The following DPY30 variants were observed in gnomAD, a reference collection of about 807,000 sequenced individuals.
DPY30 encodes protein dpy-30 homolog.
DPY30 carries 6 observed loss-of-function variants against 16.2 expected under a neutral mutation model. The ratio of observed to expected loss-of-function variants is 0.37; its 90% CI spans 0.20 to 0.73. DPY30 has a LOEUF of 0.73. DPY30 is among the 30% of genes least tolerant of loss of function. The pLI, the probability that DPY30 is intolerant of heterozygous loss-of-function variation, is 0.51. For synonymous variants in DPY30, 39 were observed against 38.8 expected, an observed-to-expected ratio of 1.00 and a Z score of -0.02; for missense variants, 73 against 113.1, an observed-to-expected ratio of 0.65 and a Z score of 1.61.
chr2:32,039,262 G>C lies in DPY30; in HGVS notation c.84+17C>G, dbSNP rs1464016828. 3.8e-5 allele frequency: 61 copies of C among 1,614,164 alleles called. No individual in the cohort carries two copies. The highest frequency in any genetic ancestry group is 5.1e-5 in the Non-Finnish European group (60 of 1,180,034). On this transcript the variant is annotated intron_variant, in intron 3 of 4. Coordinates refer to ENST00000342166, the MANE Select transcript of DPY30 (RefSeq NM_001321209.2). ...CAAGAGACAACACAGATGAGGCATA[G>C]GAACTTGGCGAGTTACCTCAACGTT...
chr2:32,029,005 C>T (rs978467341), intron 4 of DPY30, among the ~76,000 whole-genome samples: 2 of 152,146 alleles, frequency 1.3e-5, no homozygotes, highest in South Asian at 2.1e-4. Context: ...GGCGCAGTGG[C>T]TCATGCCTGT....
At chr2:32,019,909 C>T (rs1675142727), downstream of DPY30, among the ~76,000 whole-genome samples, 1 of 136,772 alleles carries the variant, frequency 7.3e-6, no homozygotes, top group South Asian at 2.2e-4. Flanking sequence ...TATATATAAA[C>T]ATAAACATAT....
chr2:32,029,633 G>A lies in DPY30; in HGVS notation c.188C>T (p.Pro63Leu). The A allele has an allele frequency of 6.2e-7, 1 of 1,613,658 alleles. No homozygotes were observed. The highest frequency in any genetic ancestry group is 1.1e-5 in the South Asian group (1 of 91,054). Residue 63 changes from proline to leucine, a missense_variant, in exon 4 of 5, where the codon CCT becomes CTT. Physicochemically the swap from Pro to Leu is moderately conservative, Grantham distance 98. Coordinates refer to ENST00000342166, the MANE Select transcript of DPY30 (RefSeq NM_001321209.2). ...TRAYLDQTVV[P>L]ILLQGLAVLA... Reference sequence around the variant, plus strand: ...CACAGCAAGTCCCTGTAATAAGATAGGCACAACTGTCTGATCCAGGTAGGC... The same window carrying A: ...CACAGCAAGTCCCTGTAATAAGATAAGCACAACTGTCTGATCCAGGTAGGC...
chr2:32,032,077 G>C (rs2148664852), intron 3 of DPY30, among the ~76,000 whole-genome samples: 1 of 151,860 alleles, frequency 6.6e-6, no homozygotes, highest in South Asian at 2.1e-4. Flanking sequence ...TTTTATTTTG[G>C]TAAAAGTGAG....
chr2:32,039,772 G>A lies in DPY30; in HGVS notation c.-76C>T, dbSNP rs2148675367. On this transcript the variant is annotated 5_prime_UTR_variant, in exon 1 of 5. Coordinates refer to ENST00000342166, the MANE Select transcript of DPY30 (RefSeq NM_001321209.2). ...TTCGTTCTTAAGAGCCCTGCACCGC[G>A]CCACCAGCTCCCAGCACAAACAGCT... 3 of 437,100 alleles carry A rather than the reference G, an allele frequency of 6.9e-6. No individual in the cohort carries two copies. Among genetic ancestry groups the A allele is most frequent in the East Asian group, 7.6e-5 (2 of 26,246 alleles). 27.1% of individuals were successfully genotyped at this position (437,100 alleles called of 1,614,324 possible).
chr2:32,039,292 G>C lies in DPY30; in HGVS notation c.71C>G (p.Thr24Arg). The change falls in exon 3 of 5, where the codon ACA becomes AGA. Residue 24 changes from threonine (T) to arginine (R), a missense_variant. Thr to Arg is a moderately conservative substitution (Grantham distance 71). Transcript: ENST00000342166. ...TTGGCGAGTTACCTCAACGTTGTCT[G>C]TGAGACCGTACTCAGAGTGAGGATT... ...AENPHSEYGL[T>R]DNVERIVENE... 6.2e-7 allele frequency: 1 copy of C among 1,614,174 alleles called. No individual in the cohort carries two copies. Among genetic ancestry groups the C allele is most frequent in the Non-Finnish European group, 8.5e-7 (1 of 1,180,030 alleles).
At chr2:32,016,660 T>C (rs1329795982) in intron 5 of DPY30, among the ~76,000 whole-genome samples, 3 of 152,126 alleles carry the variant, frequency 2.0e-5, no homozygotes, top group African/African-American at 7.2e-5. Flanking sequence ...TCAAGGTTTC[T>C]ATTTCCTCCA....
At chr2:32,033,615 T>C (rs1675627294) in intron 3 of DPY30, among the ~76,000 whole-genome samples, 1 of 152,218 alleles carries the variant, frequency 6.6e-6, no homozygotes, top group African/African-American at 2.4e-5. Context: ...GAGGTTGCGG[T>C]GAGCCGAGAT....
intron 3 of DPY30, among the ~76,000 whole-genome samples, chr2:32,037,496 AG>A (rs1339425764): frequency 5.3e-5 from 8 of 151,946 alleles, no homozygotes; most frequent in Non-Finnish European, 8.8e-5. Flanking sequence ...TTGTAGAAAC[AG>A]GGTTTGTAGG....
intron 5 of DPY30, among the ~76,000 whole-genome samples, chr2:32,018,883 A>C (rs372066903): frequency 2.0e-5 from 3 of 150,140 alleles, no homozygotes; most frequent in African/African-American, 7.3e-5. Flanking sequence ...CAAATTAGCC[A>C]GACATGGTGG....
chr2:32,020,049 A>T (rs932131502), downstream of DPY30, among the ~76,000 whole-genome samples: 7 of 149,534 alleles, frequency 4.7e-5, no homozygotes, highest in African/African-American at 9.8e-5. Context: ...CAAATGTTTC[A>T]TCTATAAATG....
chr2:32,014,067 G>C (rs575199436), intron 5 of DPY30, among the ~76,000 whole-genome samples: 3 of 152,154 alleles, frequency 2.0e-5, no homozygotes, highest in Admixed American at 2.0e-4. Context: ...GGAAGGGAAG[G>C]GAAGGAAGGC....
chr2:32,017,615 C>CAAAAAAA (rs59826181), intron 5 of DPY30, among the ~76,000 whole-genome samples: 1 of 134,274 alleles, frequency 7.4e-6, no homozygotes. Context: ...AACACCATCT[C>CAAAAAAA]AAAAAAAAAA....
chr2:32,015,505 T>C (rs1675047074), intron 5 of DPY30, among the ~76,000 whole-genome samples: 1 of 152,162 alleles, frequency 6.6e-6, no homozygotes, highest in Non-Finnish European at 1.5e-5. Flanking sequence ...AGAGCTTTTT[T>C]CCATATTTAT....
intron 5 of DPY30, among the ~76,000 whole-genome samples, chr2:32,014,846 T>C (rs1675033432): frequency 2.7e-5 from 4 of 150,572 alleles, no homozygotes; most frequent in African/African-American, 2.4e-5. Flanking sequence ...ATGGAAAGAG[T>C]TTCAAAAAAG....
intron 3 of DPY30, among the ~76,000 whole-genome samples, chr2:32,037,445 G>A (rs756286949): frequency 6.6e-6 from 1 of 151,974 alleles, no homozygotes; most frequent in Non-Finnish European, 1.5e-5. Flanking sequence ...GCTGGGGACT[G>A]TAGGCACGTA....
intron 3 of DPY30, among the ~76,000 whole-genome samples, chr2:32,030,325 T>C (rs1318372774): frequency 1.3e-5 from 2 of 151,978 alleles, no homozygotes; most frequent in African/African-American, 2.4e-5. Flanking sequence ...CAAAATCCAG[T>C]CTTTACCAAA....
Position 32,025,756 on chromosome 2 carries a change from C to T in DPY30, c.228-1500G>A, listed in dbSNP as rs117826089. On this transcript the variant is annotated intron_variant, in intron 4 of 4. Coordinates refer to ENST00000342166, the MANE Select transcript of DPY30 (RefSeq NM_001321209.2). ...CAGCCTGCCGCAACAGAACAAGACT[C>T]CGTCTTGGAAAGAAAAAAAAAAAAA... 2.5e-3 allele frequency among the ~76,000 whole-genome samples: 378 copies of T among 149,668 alleles called. 14 individuals carry two copies. In the East Asian group the frequency reaches 0.064, roughly 25 times the overall value.
intron 5 of DPY30, among the ~76,000 whole-genome samples, chr2:32,014,180 A>G (rs1338602040): frequency 2.6e-5 from 4 of 151,666 alleles, no homozygotes; most frequent in Non-Finnish European, 5.9e-5. Flanking sequence ...ATACATACGC[A>G]CCCATTAAAA....
Sources: gnomAD v4.1 joint callset for allele counts (sites outside exome capture counted in the v4.1 genomes callset) on GRCh38, gnomAD v4.1.1 for gene constraint, MANE v1.5 for transcripts, NCBI Gene and HGNC (gene_info 2026-07-23, HGNC 2026-07-21) for gene names.